The following CPLX4 variants were observed in gnomAD, a reference collection of about 807,000 sequenced individuals.
The protein encoded by CPLX4 is complexin 4.
A neutral mutation model predicts 16.1 loss-of-function variants in CPLX4; 17 were observed. That is an observed-to-expected ratio of 1.06 (90% CI 0.72 to 1.59). CPLX4 has a LOEUF of 1.59. Among genes scored for constraint, CPLX4 ranks in the 40% most tolerant of loss-of-function variants. The pLI is 0.00. For synonymous variants in CPLX4, 55 were observed against 57.8 expected (o/e 0.95, Z 0.22); for missense variants, 193 against 192.9 (o/e 1.00, Z 0.00).
At chr18:59,301,286 C>A (rs1308259819) in intron 2 of CPLX4, among the ~76,000 whole-genome samples, 1 of 152,224 alleles carries the variant, frequency 6.6e-6, no homozygotes, top group Non-Finnish European at 1.5e-5. Flanking sequence ...GACTCTTCAC[C>A]CCGTGTGAAA....
intron 2 of CPLX4, among the ~76,000 whole-genome samples, chr18:59,305,493 A>G (rs1470804802): frequency 6.6e-6 from 1 of 152,168 alleles, no homozygotes; most frequent in Non-Finnish European, 1.5e-5. Context: ...AATTAAGATG[A>G]CTTGGCGATT....
intron 2 of CPLX4, among the ~76,000 whole-genome samples, chr18:59,303,429 C>A (rs1410720531): frequency 2.0e-5 from 3 of 152,116 alleles, no homozygotes; most frequent in Admixed American, 6.5e-5. Context: ...CATATCCAAG[C>A]CTCTCACTTA....
intron 1 of CPLX4, among the ~76,000 whole-genome samples, chr18:59,315,362 A>G (rs1475925251): frequency 6.6e-6 from 1 of 152,198 alleles, no homozygotes; most frequent in East Asian, 1.9e-4. Context: ...TATTTCTTCA[A>G]ATCTTTTGCC....
In CPLX4 at chr18:59,296,660, A is replaced by G. The variant is rs752757172; in HGVS notation, c.*38T>C. On this transcript the variant is annotated 3_prime_UTR_variant, in exon 3 of 3. Transcript: ENST00000299721. ...GTCCCACAAGAGAGTGGTCTTTTCC[A>G]AGGATGGCTGGTTCCCTCCCTCCAC... 1 of 1,606,294 alleles carries G rather than the reference A, an allele frequency of 6.2e-7. No homozygotes were observed. Among genetic ancestry groups the G allele is most frequent in the South Asian group, 1.1e-5 (1 of 90,104 alleles).
intron 2 of CPLX4, among the ~76,000 whole-genome samples, chr18:59,298,011 C>G (rs1357325819): frequency 1.3e-5 from 2 of 152,202 alleles, no homozygotes; most frequent in African/African-American, 2.4e-5. Context: ...TCACAAGCGC[C>G]TTGCACATTT....
At chr18:59,307,958 A>G (rs1049276292) in intron 2 of CPLX4, among the ~76,000 whole-genome samples, 2 of 148,060 alleles carry the variant, frequency 1.4e-5, no homozygotes, top group African/African-American at 5.0e-5. Context: ...TTGTATTTGT[A>G]GTAGAGACGG....
chr18:59,295,962 A>G lies in CPLX4; in HGVS notation c.*736T>C, dbSNP rs2070497087. The G allele has an allele frequency of 1.3e-5, 2 of 152,244 alleles. No homozygotes were observed. The highest frequency in any genetic ancestry group is 2.1e-4 in the South Asian group (1 of 4,830). The allele number at this position is 152,244 out of a possible 1,614,324, so 9.4% of individuals were successfully genotyped here. On this transcript the variant is annotated 3_prime_UTR_variant, in exon 3 of 3. Transcript: ENST00000299721. Reference sequence around the variant, plus strand: ...CAAGGAGAGTTAAGCTCAACTCAAAAAGAGCAGCCGTCTGCCTGGTTTCCC... The same window carrying G: ...CAAGGAGAGTTAAGCTCAACTCAAAGAGAGCAGCCGTCTGCCTGGTTTCCC...
At chr18:59,316,116 T>C (rs2070649434) in intron 1 of CPLX4, among the ~76,000 whole-genome samples, 1 of 152,212 alleles carries the variant, frequency 6.6e-6, no homozygotes, top group African/African-American at 2.4e-5. Flanking sequence ...GTAGAAACTG[T>C]TGAAGCATAA....
At chr18:59,315,057 T>C (rs1220471946) in intron 1 of CPLX4, among the ~76,000 whole-genome samples, 5 of 151,388 alleles carry the variant, frequency 3.3e-5, no homozygotes, top group Admixed American at 2.0e-4. Context: ...GGTTCTACGG[T>C]AACTTACTGG....
At chr18:59,315,002 T>C (rs1409108797) in intron 1 of CPLX4, among the ~76,000 whole-genome samples, 1 of 152,228 alleles carries the variant, frequency 6.6e-6, no homozygotes, top group African/African-American at 2.4e-5. Flanking sequence ...TGTGGACATA[T>C]ATTTTAATTT....
intron 2 of CPLX4, among the ~76,000 whole-genome samples, chr18:59,298,160 G>T (rs1476349101): frequency 6.6e-6 from 1 of 151,784 alleles, no homozygotes; most frequent in Non-Finnish European, 1.5e-5. Flanking sequence ...TGCAATCTGG[G>T]CTCATTGCAG....
In CPLX4 at chr18:59,314,803, G is replaced by A. The variant is rs1286309302; in HGVS notation, c.168-2031C>T. On this transcript the variant is annotated intron_variant, in intron 1 of 2. Transcript: ENST00000299721. ...CTTTCACTCAGCATAAAATACTTTC[G>A]AGATTTAACCTTGTTGTTTTATGTA... Among the ~76,000 whole-genome samples the A allele has an allele frequency of 3.9e-5, 6 of 152,106 alleles. No homozygotes were observed. The East Asian group carries it at 1.2e-3, about 29-fold the overall frequency.
At position 59,296,431 on chromosome 18, in the gene CPLX4, GAT is replaced by G. The variant is rs2070501051; in HGVS notation, c.*265_*266del. 2.0e-6 allele frequency: 1 copy of G among 490,456 alleles called. No individual in the cohort carries two copies. The highest frequency in any genetic ancestry group is 4.0e-5 in the Admixed American group (1 of 24,918). The allele number at this position is 490,456 out of a possible 1,614,324, so 30.4% of individuals were successfully genotyped here. A position where few individuals can be genotyped will look rare whatever the true frequency, so the allele number is the denominator to read the frequency against. ...TGGCTCATCTCAAGGTCTTTAAGCA[GAT>G]ATGTGTTCTGCATCATCATTTACAA... On this transcript the variant is annotated 3_prime_UTR_variant, in exon 3 of 3. Transcript: ENST00000299721.
intron 2 of CPLX4, among the ~76,000 whole-genome samples, chr18:59,309,196 G>A (rs1251013812): frequency 6.6e-6 from 1 of 152,180 alleles, no homozygotes; most frequent in Non-Finnish European, 1.5e-5. Flanking sequence ...GCAGGCAATT[G>A]TATTATTGGT....
intron 1 of CPLX4, among the ~76,000 whole-genome samples, chr18:59,313,265 C>A (rs1047356057): frequency 3.9e-5 from 6 of 152,110 alleles, no homozygotes; most frequent in Non-Finnish European, 7.3e-5. Flanking sequence ...CTTTGAAGAC[C>A]GTTGTTGTTG....
chr18:59,308,674 C>A (rs2070594929), intron 2 of CPLX4, among the ~76,000 whole-genome samples: 1 of 152,096 alleles, frequency 6.6e-6, no homozygotes, highest in African/African-American at 2.4e-5. Flanking sequence ...CCAGGGGGCG[C>A]CGGCGTCGAG....
At chr18:59,302,480 C>T (rs1391208170) in intron 2 of CPLX4, among the ~76,000 whole-genome samples, 1 of 152,208 alleles carries the variant, frequency 6.6e-6, no homozygotes, top group South Asian at 2.1e-4. Context: ...ATACTTTGTT[C>T]TTAGAGGCTC....
At chr18:59,308,957 A>G (rs2070597393) in intron 2 of CPLX4, among the ~76,000 whole-genome samples, 1 of 152,256 alleles carries the variant, frequency 6.6e-6, no homozygotes, top group South Asian at 2.1e-4. Context: ...TTGCAAGCGC[A>G]AAGTGTTGCA....
At chr18:59,315,863 T>C (rs2144193730) in intron 1 of CPLX4, among the ~76,000 whole-genome samples, 1 of 152,316 alleles carries the variant, frequency 6.6e-6, no homozygotes, top group South Asian at 2.1e-4. Context: ...TTGATACTAA[T>C]GCCACGCAGA....
Sources: allele counts gnomAD v4.1 joint callset (sites outside exome capture counted in the v4.1 genomes callset), GRCh38; gene constraint gnomAD v4.1.1; transcripts MANE v1.5; gene names NCBI Gene and HGNC (gene_info 2026-07-23, HGNC 2026-07-21).